Variants in CLSTN2 observed in about 807,000 individuals in gnomAD.
The protein encoded by CLSTN2 is calsyntenin 2.
Under a neutral mutation model 101.2 loss-of-function variants are expected in CLSTN2, and 48 were observed. The observed-to-expected ratio is 0.47, with a 90% CI of 0.38 to 0.60. CLSTN2 has a LOEUF of 0.60. CLSTN2 is among the 20% of genes least tolerant of loss of function. CLSTN2 has a pLI of 0.00. For synonymous variants in CLSTN2, 481 were observed against 463.6 expected, an observed-to-expected ratio of 1.04 and a Z score of -0.48; for missense variants, 1,160 against 1,238.2, an observed-to-expected ratio of 0.94 and a Z score of 0.95.
chr3:140,558,996 G>C (rs765168894), intron 12 of CLSTN2, 139 bp downstream of exon 12: 1 of 655,986 alleles, frequency 1.5e-6, no homozygotes, highest in Non-Finnish European at 2.6e-6. Context: ...ATGTATTATA[G>C]CAAAACAGAC....
rs1459889033 is a variant in CLSTN2, at chr3:140,512,190, G to T, written c.1345-20134G>T. ...TTTGTTTCAAAATTTTGCATTTGGT[G>T]TTTTCGTCATGAAGTCTTTGCCCAT... On this transcript the variant is annotated intron_variant, in intron 8 of 16. Transcript: ENST00000458420. 3.9e-4 allele frequency among the ~76,000 whole-genome samples: 60 copies of T among 152,238 alleles called. 1 individual carries two copies. Among genetic ancestry groups the T allele is most frequent in the Non-Finnish European group, 1.8e-4 (12 of 68,014 alleles).
intron 1 of CLSTN2, among the ~76,000 whole-genome samples, chr3:139,948,696 G>C (rs1014575779): frequency 2.0e-5 from 3 of 152,028 alleles, no homozygotes; most frequent in African/African-American, 7.2e-5. Flanking sequence ...CCACTAGCTT[G>C]TGGACTGATC....
rs547677138 is a variant in CLSTN2, at chr3:140,564,526, A to G, written c.2667+381A>G. ...TTGAGTAACTAACAGTGCAAATTAG[A>G]TGGCTTTGCTCTACACTGCCTGAAG... is the stretch of plus-strand genomic sequence containing the variant. On this transcript the variant is annotated intron_variant, in intron 16 of 16. Coordinates refer to ENST00000458420, the MANE Select transcript of CLSTN2 (RefSeq NM_022131.3). Among the ~76,000 whole-genome samples, 4 of 152,308 alleles carry G rather than the reference A, an allele frequency of 2.6e-5. No individual in the cohort carries two copies. In the East Asian group the frequency reaches 7.7e-4, roughly 29 times the overall value.
chr3:139,997,425 T>G (rs936566963), intron 1 of CLSTN2, among the ~76,000 whole-genome samples: 1 of 152,216 alleles, frequency 6.6e-6, no homozygotes, highest in Admixed American at 6.5e-5. Context: ...TTTTTACACA[T>G]GGAGAACCAA....
At chr3:140,001,497 T>C (rs1157433818) in intron 1 of CLSTN2, among the ~76,000 whole-genome samples, 2 of 152,076 alleles carry the variant, frequency 1.3e-5, no homozygotes, top group African/African-American at 4.8e-5. Flanking sequence ...TGTGAGTACA[T>C]AGTAGGTGTA....
intron 2 of CLSTN2, among the ~76,000 whole-genome samples, chr3:140,269,180 A>C (rs541822004): frequency 4.4e-4 from 67 of 152,334 alleles, no homozygotes; most frequent in African/African-American, 1.2e-3. Context: ...TTCCATGGAT[A>C]CAAGTTGGAA....
rs191396427 is a variant in CLSTN2, at chr3:140,284,897, C to G, written c.232+108824C>G. Among the ~76,000 whole-genome samples, 356 of 152,114 alleles carry G rather than the reference C, an allele frequency of 2.3e-3. 3 individuals carry two copies. The highest frequency in any genetic ancestry group is 3.2e-3 in the Non-Finnish European group (221 of 68,008). ...CTTTCTCTAGCCCTTCCTGATAGCT[C>G]CCTGAACTAGCCTGCCAACCCCCAC... On this transcript the variant is annotated intron_variant, in intron 2 of 16. Transcript: ENST00000458420.
chr3:140,331,322 C>A (rs1252515310), intron 2 of CLSTN2, among the ~76,000 whole-genome samples: 1 of 152,132 alleles, frequency 6.6e-6, no homozygotes, highest in Non-Finnish European at 1.5e-5. Context: ...TCAGATGGTG[C>A]CTACCCACAA....
intron 1 of CLSTN2, among the ~76,000 whole-genome samples, chr3:139,947,498 T>C (rs770309074): frequency 1.3e-5 from 2 of 152,236 alleles, no homozygotes; most frequent in Non-Finnish European, 2.9e-5. Flanking sequence ...GAAAAAATAT[T>C]CACTTTTCAG....
chr3:140,461,139 G>T (rs529244951), intron 7 of CLSTN2: 1 of 152,182 alleles, frequency 6.6e-6, no homozygotes, highest in South Asian at 2.1e-4. Flanking sequence ...CACATTCTCT[G>T]TTTCAATTGA....
intron 1 of CLSTN2, among the ~76,000 whole-genome samples, chr3:140,125,149 G>C (rs1402506771): frequency 6.6e-6 from 1 of 152,080 alleles, no homozygotes; most frequent in Non-Finnish European, 1.5e-5. Flanking sequence ...AGGGAGGATA[G>C]GGGGAGAGGA....
At chr3:140,239,010 A>G (rs528622981) in intron 2 of CLSTN2, among the ~76,000 whole-genome samples, 80 of 152,278 alleles carry the variant, frequency 5.3e-4, no homozygotes, top group African/African-American at 1.9e-3. Context: ...AGGAAAATAC[A>G]AGTGACACAT....
At chr3:140,548,190 G>A (rs1935636799) in intron 10 of CLSTN2, among the ~76,000 whole-genome samples, 1 of 152,212 alleles carries the variant, frequency 6.6e-6, no homozygotes, top group Non-Finnish European at 1.5e-5. Context: ...GGATATGCTA[G>A]TATTCTGTTA....
At position 140,097,916 on chromosome 3, in the gene CLSTN2, C is replaced by T. The variant is rs536315641; in HGVS notation, c.110-78035C>T. Among the ~76,000 whole-genome samples the T allele has an allele frequency of 2.6e-4, 40 of 152,166 alleles. 1 individual carries two copies. The South Asian group carries it at 8.1e-3, about 31-fold the overall frequency. Reference sequence around the variant, plus strand: ...GTATTTTTGTTCTCCATCTAAAATACAAATGAAAGTTTATTTCCTGCTATT... The same window carrying T: ...GTATTTTTGTTCTCCATCTAAAATATAAATGAAAGTTTATTTCCTGCTATT... On this transcript the variant is annotated intron_variant, in intron 1 of 16. Transcript: ENST00000458420.
chr3:140,498,594 G>A (rs890100660), intron 8 of CLSTN2, among the ~76,000 whole-genome samples: 6 of 152,146 alleles, frequency 3.9e-5, no homozygotes, highest in South Asian at 2.1e-4. Flanking sequence ...ATTTTCACAC[G>A]CCATATGCAG....
chr3:140,548,477 C>T (rs147598120), intron 10 of CLSTN2, among the ~76,000 whole-genome samples: 7 of 152,246 alleles, frequency 4.6e-5, no homozygotes, highest in African/African-American at 1.4e-4. Context: ...AGATCCAGAA[C>T]CTTGGAGACT....
intron 1 of CLSTN2, among the ~76,000 whole-genome samples, chr3:140,063,360 T>C (rs545940376): frequency 4.3e-4 from 66 of 152,338 alleles, no homozygotes; most frequent in Middle Eastern, 3.4e-3. Flanking sequence ...GAGTGGTGTC[T>C]GCTTTTGCAA....
At chr3:140,203,876 T>G (rs1232339846) in intron 2 of CLSTN2, among the ~76,000 whole-genome samples, 1 of 152,142 alleles carries the variant, frequency 6.6e-6, no homozygotes, top group East Asian at 1.9e-4. Flanking sequence ...ACCCGCAAGA[T>G]TCTGTCTAAT....
At chr3:140,174,743 A>G (rs1374371579) in intron 1 of CLSTN2, among the ~76,000 whole-genome samples, 3 of 152,116 alleles carry the variant, frequency 2.0e-5, no homozygotes, top group African/African-American at 7.2e-5. Flanking sequence ...TGTGGGGGAA[A>G]CCACCCCCAT....
Sources: gnomAD v4.1 joint callset for allele counts (sites outside exome capture counted in the v4.1 genomes callset) on GRCh38, gnomAD v4.1.1 for gene constraint, MANE v1.5 for transcripts, NCBI Gene and HGNC (gene_info 2026-07-23, HGNC 2026-07-21) for gene names.